Variants in PREX1 observed in about 807,000 individuals in gnomAD.
The protein encoded by PREX1 is phosphatidylinositol-3,4,5-trisphosphate dependent Rac exchange factor 1, also known as phosphatidylinositol 3,4,5-trisphosphate-dependent Rac exchanger 1 protein.
In PREX1, 41 loss-of-function variants were observed where a neutral mutation model predicts 198.3. That is an observed-to-expected ratio of 0.21 (90% CI 0.16 to 0.27). The LOEUF is 0.27. Among genes scored for constraint, PREX1 ranks in the 10% least tolerant of loss-of-function variants. The probability of loss-of-function intolerance (pLI) is 1.00; values close to 1 mark genes in which losing one functional copy is unlikely to be tolerated. For synonymous variants in PREX1, 843 were observed against 887.2 expected (o/e 0.95, Z 0.89); for missense variants, 1,620 against 2,200.7 (o/e 0.74, Z 5.28).
chr20:48,794,234 A>T (rs1456206014), intron 1 of PREX1, among the ~76,000 whole-genome samples: 1 of 152,190 alleles, frequency 6.6e-6, no homozygotes, highest in African/African-American at 2.4e-5. Context: ...TCTCAGATGC[A>T]GGGACCAGCC....
At chr20:48,650,260 T>C (rs1174688332) in intron 23 of PREX1, 54 bp from the exon 24 acceptor site, 6 of 1,532,398 alleles carry the variant, frequency 3.9e-6, no homozygotes, top group East Asian at 4.5e-5. Flanking sequence ...TCTGGAAATA[T>C]TGGCCCATAC....
intron 1 of PREX1, among the ~76,000 whole-genome samples, chr20:48,757,038 C>T (rs562567157): frequency 1.6e-4 from 24 of 152,232 alleles, no homozygotes; most frequent in African/African-American, 5.3e-4. Context: ...CAATTACCTC[C>T]CACCAGGTCC....
At chr20:48,674,224 C>T (rs1307401450) in intron 14 of PREX1, among the ~76,000 whole-genome samples, 1 of 152,238 alleles carries the variant, frequency 6.6e-6, no homozygotes, top group African/African-American at 2.4e-5. Flanking sequence ...ACCCATATTT[C>T]ACATTTGATA....
chr20:48,827,612 G>C lies in PREX1; in HGVS notation c.219+30C>G. ...AGCGGGGCGAGCGGCTGGAGGGAAA[G>C]CTGTCCCCAAGCTCCCGAGCGACAC... On this transcript the variant is annotated intron_variant, in intron 1 of 39. Transcript: ENST00000371941. The surrounding 1 kb of genome is among the most constrained non-coding windows in gnomAD (Gnocchi z 4.1). The C allele has an allele frequency of 8.0e-7, 1 of 1,247,364 alleles. No individual in the cohort carries two copies. Among genetic ancestry groups the C allele is most frequent in the South Asian group, 3.5e-5 (1 of 28,646 alleles). 77.3% of individuals were successfully genotyped at this position (1,247,364 alleles called of 1,614,324 possible). A position where few individuals can be genotyped will look rare whatever the true frequency, so the allele number is the denominator to read the frequency against.
chr20:48,672,793 C>A (rs1300102420), intron 14 of PREX1, among the ~76,000 whole-genome samples: 1 of 152,242 alleles, frequency 6.6e-6, no homozygotes, highest in East Asian at 1.9e-4. Context: ...TGCACCACCC[C>A]GCCCATGTGA....
In PREX1 at chr20:48,700,856, G is replaced by C; in HGVS notation, c.814C>G (p.Leu272Val). 2 of 1,614,208 alleles carry C rather than the reference G, an allele frequency of 1.2e-6. No homozygotes were observed. The highest frequency in any genetic ancestry group is 2.2e-5 in the South Asian group (2 of 91,090). Residue 272 changes from leucine to valine, a missense_variant, in exon 7 of 40, where the codon CTC becomes GTC. By Grantham distance (32) the Leu-to-Val change is conservative. Transcript: ENST00000371941. ...GSNLTDICTQ[L>V]LLQGTLLKIS... Reference sequence around the variant, plus strand: ...TTTAACAAAGTCCCTTGCAGGAGGAGCTGAGTGCAGATGTCTGTGAGGTTG... The same window carrying C: ...TTTAACAAAGTCCCTTGCAGGAGGACCTGAGTGCAGATGTCTGTGAGGTTG...
At chr20:48,863,301 C>A in the PREX1 span, among the ~76,000 whole-genome samples, 1 of 152,116 alleles carries the variant, frequency 6.6e-6, no homozygotes, top group Non-Finnish European at 1.5e-5. Flanking sequence ...TTATTATTAA[C>A]TAAGGCCCAT....
intron 3 of PREX1, among the ~76,000 whole-genome samples, chr20:48,736,598 A>G (rs777252350): frequency 6.6e-6 from 1 of 152,168 alleles, no homozygotes; most frequent in Non-Finnish European, 1.5e-5. Flanking sequence ...AGGCCAAAAG[A>G]GCTGGGTGAG....
the PREX1 span, among the ~76,000 whole-genome samples, chr20:48,848,555 C>T: frequency 6.6e-6 from 1 of 152,116 alleles, no homozygotes; most frequent in African/African-American, 2.4e-5. Flanking sequence ...CCACACCCGG[C>T]CTATTATTAC....
At chr20:48,846,407 G>A in the PREX1 span, among the ~76,000 whole-genome samples, 1 of 152,104 alleles carries the variant, frequency 6.6e-6, no homozygotes, top group African/African-American at 2.4e-5. Context: ...TGGCTTGGTG[G>A]TCTCCCAGCC....
At chr20:48,787,235 C>T (rs1894260930) in intron 1 of PREX1, among the ~76,000 whole-genome samples, 1 of 152,142 alleles carries the variant, frequency 6.6e-6, no homozygotes, top group Admixed American at 6.5e-5. Flanking sequence ...TGGAAACAGA[C>T]CCTGACACTC....
chr20:48,651,834 T>C (rs2089500637), intron 21 of PREX1, among the ~76,000 whole-genome samples: 1 of 152,190 alleles, frequency 6.6e-6, no homozygotes, highest in Non-Finnish European at 1.5e-5. Context: ...ATCGGAAGGT[T>C]CTCTTCTCAT....
intron 14 of PREX1, among the ~76,000 whole-genome samples, chr20:48,672,830 A>G (rs905612757): frequency 6.6e-6 from 1 of 151,986 alleles, no homozygotes; most frequent in Admixed American, 6.6e-5. Flanking sequence ...CCCCGCTCCC[A>G]CACCGTTCCC....
At chr20:48,717,028 A>T (rs182535659) in intron 5 of PREX1, among the ~76,000 whole-genome samples, 1 of 152,240 alleles carries the variant, frequency 6.6e-6, no homozygotes, top group Non-Finnish European at 1.5e-5. Context: ...TTTTAAAAGT[A>T]AGTTTAATTA....
At chr20:48,756,936 T>C (rs554781054) in intron 1 of PREX1, among the ~76,000 whole-genome samples, 2 of 152,300 alleles carry the variant, frequency 1.3e-5, no homozygotes, top group Admixed American at 1.3e-4. Flanking sequence ...AGAGAGCTTG[T>C]GTAGGGGAAC....
chr20:48,700,932 T>C (rs570358720), intron 6 of PREX1, 46 bp from the exon 7 acceptor site: 2 of 1,610,118 alleles, frequency 1.2e-6, no homozygotes, highest in South Asian at 2.2e-5. Flanking sequence ...CCCAGGAACA[T>C]CCCCTTCCTT....
At chr20:48,705,728 A>T (rs1393410035) in intron 6 of PREX1, among the ~76,000 whole-genome samples, 1 of 152,258 alleles carries the variant, frequency 6.6e-6, no homozygotes, top group Non-Finnish European at 1.5e-5. Context: ...ACTGCATTTT[A>T]AAAACCTTTC....
intron 29 of PREX1, among the ~76,000 whole-genome samples, chr20:48,641,822 GAA>G (rs879393757): frequency 0.026 from 3,242 of 123,916 alleles, 88 homozygotes; most frequent in East Asian, 0.072. Flanking sequence ...AAGAAAGAAA[GAA>G]AGAGAGAGAG....
rs2123012424 is a variant in PREX1 at position 48,679,082 on chromosome 20, G to A, written c.1589+278C>T. On this transcript the variant is annotated intron_variant, in intron 13 of 39. Transcript: ENST00000371941. ...GAGGAAACGGTTGAGGCACAGAGAG[G>A]TTAAGTAACTCTGCCCAAGGTCACA... 1.3e-5 allele frequency among the ~76,000 whole-genome samples: 2 copies of A among 152,320 alleles called. 1 individual carries two copies. Among genetic ancestry groups the A allele is most frequent in the Non-Finnish European group, 2.9e-5 (2 of 68,022 alleles).
Sources: gnomAD v4.1 joint callset for allele counts (sites outside exome capture counted in the v4.1 genomes callset) on GRCh38, gnomAD v4.1.1 for gene constraint, Gnocchi (gnomAD v3.1) non-coding constraint, MANE v1.5 for transcripts, NCBI Gene and HGNC (gene_info 2026-07-23, HGNC 2026-07-21) for gene names.